STPG2: variants seen among roughly 807,000 people sequenced by gnomAD.
The protein encoded by STPG2 is sperm tail PG-rich repeat containing 2.
A neutral mutation model predicts 54.2 loss-of-function variants in STPG2; 56 were observed. The observed-to-expected ratio is 1.03, with a 90% CI of 0.83 to 1.29. STPG2 has a LOEUF of 1.29. Among genes scored for constraint, STPG2 ranks in the 50% most tolerant of loss-of-function variants. The pLI is 0.00. For missense variants in STPG2, 596 were observed against 544.9 expected, an observed-to-expected ratio of 1.09 and a Z score of -0.93; for synonymous variants, 200 against 181.8, an observed-to-expected ratio of 1.10 and a Z score of -0.81.
At chr4:97,960,992 C>T (rs1733862190) in intron 7 of STPG2, among the ~76,000 whole-genome samples, 1 of 151,674 alleles carries the variant, frequency 6.6e-6, no homozygotes, top group Non-Finnish European at 1.5e-5. Flanking sequence ...CTGGTATAAA[C>T]ATAGGTGCAT....
chr4:97,720,657 C>G (rs539905599), intron 9 of STPG2, among the ~76,000 whole-genome samples: 3 of 151,958 alleles, frequency 2.0e-5, no homozygotes, highest in Non-Finnish European at 2.9e-5. Context: ...GAATTAATTA[C>G]TAATTCACTA....
intron 9 of STPG2, among the ~76,000 whole-genome samples, chr4:97,810,024 A>T (rs1005763326): frequency 6.6e-6 from 1 of 152,250 alleles, no homozygotes; most frequent in Non-Finnish European, 1.5e-5. Flanking sequence ...CTATTTGTAC[A>T]TATAGCATAA....
intron 7 of STPG2, among the ~76,000 whole-genome samples, chr4:97,958,414 G>A (rs1273864012): frequency 6.6e-6 from 1 of 152,112 alleles, no homozygotes; most frequent in Non-Finnish European, 1.5e-5. Context: ...AATGTACATT[G>A]CCTAAATGCT....
intron 1 of STPG2, among the ~76,000 whole-genome samples, chr4:98,141,876 G>A (rs1424709777): frequency 1.4e-5 from 2 of 145,388 alleles, no homozygotes; most frequent in Non-Finnish European, 1.5e-5. Context: ...GCCCTGATTC[G>A]GCATTTAACA....
chr4:97,738,184 C>A (rs1578520999), intron 9 of STPG2, among the ~76,000 whole-genome samples: 1 of 152,130 alleles, frequency 6.6e-6, no homozygotes, highest in South Asian at 2.1e-4. Context: ...TACCACCAGG[C>A]CTGCCCGAAA....
At chr4:98,055,808 G>A (rs1327775622) in intron 5 of STPG2, among the ~76,000 whole-genome samples, 2 of 152,176 alleles carry the variant, frequency 1.3e-5, no homozygotes, top group African/African-American at 4.8e-5. Flanking sequence ...TCTGACCTGA[G>A]CAACCCTTGG....
At chr4:97,935,307 T>C (rs1346250480) in intron 8 of STPG2, among the ~76,000 whole-genome samples, 1 of 152,188 alleles carries the variant, frequency 6.6e-6, no homozygotes, top group Non-Finnish European at 1.5e-5. Flanking sequence ...TTCTTCATAG[T>C]TTCAATAATT....
At chr4:98,128,701 G>C in intron 2 of STPG2, 109 bp from the exon 3 acceptor site, 1 of 877,644 alleles carries the variant, frequency 1.1e-6, no homozygotes, top group Non-Finnish European at 1.6e-6. Flanking sequence ...GATTTAATGA[G>C]TTTCATGATA....
chr4:98,101,033 C>A (rs1739019565), intron 5 of STPG2, among the ~76,000 whole-genome samples: 1 of 148,554 alleles, frequency 6.7e-6, no homozygotes, highest in Non-Finnish European at 1.5e-5. Flanking sequence ...TTTCCTTGGA[C>A]CTTTAAAACT....
chr4:97,502,186 A>C (rs1223147971), intron 4 of STPG2, among the ~76,000 whole-genome samples: 1 of 152,008 alleles, frequency 6.6e-6, no homozygotes, highest in Non-Finnish European at 1.5e-5. Flanking sequence ...AGACCTGAGG[A>C]TCTGAATATG....
At chr4:97,535,136 GGGCAAATACTTA>G (rs1275766058) in intron 4 of STPG2, among the ~76,000 whole-genome samples, 4 of 152,056 alleles carry the variant, frequency 2.6e-5, no homozygotes, top group Admixed American at 1.3e-4. Context: ...CATTTCATTT[GGGCAAATACTTA>G]GGATGGATTG....
At chr4:97,992,846 A>G (rs548615969) in intron 5 of STPG2, among the ~76,000 whole-genome samples, 1 of 151,912 alleles carries the variant, frequency 6.6e-6, no homozygotes, top group East Asian at 1.9e-4. Flanking sequence ...TTTTTAAGCT[A>G]TTGTAAAAGG....
At chr4:97,864,045 G>A (rs1044491290) in intron 8 of STPG2, among the ~76,000 whole-genome samples, 1 of 152,096 alleles carries the variant, frequency 6.6e-6, no homozygotes, top group African/African-American at 2.4e-5. Flanking sequence ...CACAAGACAG[G>A]GATGCCCTCT....
intron 10 of STPG2, among the ~76,000 whole-genome samples, chr4:97,583,593 AT>A (rs1732918689): frequency 6.6e-6 from 1 of 151,882 alleles, no homozygotes; most frequent in African/African-American, 2.4e-5. Context: ...ATTTAGGACT[AT>A]TTGGTTGGAG....
At chr4:97,742,007 A>T (rs562593541) in intron 9 of STPG2, among the ~76,000 whole-genome samples, 1 of 152,292 alleles carries the variant, frequency 6.6e-6, no homozygotes, top group Admixed American at 6.5e-5. Flanking sequence ...AATGTGGCAC[A>T]TATACACCAT....
At chr4:97,465,991 A>G (rs1033925735) in intron 4 of STPG2, among the ~76,000 whole-genome samples, 5 of 152,076 alleles carry the variant, frequency 3.3e-5, no homozygotes, top group Non-Finnish European at 7.4e-5. Context: ...ACTCATTTTT[A>G]GAGTTTAGGA....
At chr4:97,770,911 T>C (rs1726197087) in intron 9 of STPG2, among the ~76,000 whole-genome samples, 1 of 152,178 alleles carries the variant, frequency 6.6e-6, no homozygotes, top group African/African-American at 2.4e-5. Flanking sequence ...GTATTTTGAT[T>C]TGTGTTTTTG....
intron 8 of STPG2, among the ~76,000 whole-genome samples, chr4:97,863,430 G>A (rs1197140403): frequency 1.3e-5 from 2 of 152,054 alleles, no homozygotes; most frequent in East Asian, 1.9e-4. Context: ...ACCAATAACA[G>A]GCTCTGAAAT....
chr4:97,448,615 G>A (rs1468471942), intron 4 of STPG2, among the ~76,000 whole-genome samples: 1 of 152,080 alleles, frequency 6.6e-6, no homozygotes, highest in Non-Finnish European at 1.5e-5. Context: ...CTTCCACCAT[G>A]ATTGGAAGTT....
Sources: allele counts gnomAD v4.1 joint callset (sites outside exome capture counted in the v4.1 genomes callset), GRCh38; gene constraint gnomAD v4.1.1; transcripts MANE v1.5; gene names NCBI Gene and HGNC (gene_info 2026-07-23, HGNC 2026-07-21).